The following UNC5D variants were observed in gnomAD, a reference collection of about 807,000 sequenced individuals.
UNC5D encodes unc-5 netrin receptor D.
Under a neutral mutation model 105.4 loss-of-function variants are expected in UNC5D, and 39 were observed. The observed-to-expected ratio is 0.37, with a 90% CI of 0.29 to 0.48. UNC5D has a LOEUF of 0.48. Ranked by LOEUF, UNC5D falls within the 20% of genes least tolerant of loss-of-function variation. The probability of loss-of-function intolerance (pLI) is 0.98; values close to 1 mark genes in which losing one functional copy is unlikely to be tolerated. For synonymous variants in UNC5D, 452 were observed against 450.4 expected (o/e 1.00, Z -0.04); for missense variants, 991 against 1,202.4 (o/e 0.82, Z 2.60).
intron 1 of UNC5D, among the ~76,000 whole-genome samples, chr8:35,292,878 G>A (rs1807182363): frequency 1.3e-5 from 2 of 151,560 alleles, no homozygotes; most frequent in Admixed American, 6.6e-5. Flanking sequence ...CACCACATGC[G>A]GCTAATTTTT....
At chr8:35,347,501 AT>A (rs1018954723) in intron 1 of UNC5D, among the ~76,000 whole-genome samples, 7 of 152,070 alleles carry the variant, frequency 4.6e-5, no homozygotes, top group African/African-American at 1.7e-4. Flanking sequence ...CGGAATATCA[AT>A]ATAAAGATTT....
chr8:35,304,714 ATGT>A (rs1808212363), intron 1 of UNC5D, among the ~76,000 whole-genome samples: 1 of 152,136 alleles, frequency 6.6e-6, no homozygotes, highest in Non-Finnish European at 1.5e-5. Flanking sequence ...TCTATATGAA[ATGT>A]TGGATGCAGA....
rs569238114 is a variant in UNC5D at position 35,525,491 on chromosome 8, T to G, written c.104-23801T>G. The G allele has an allele frequency of 3.1e-6, 5 of 1,612,330 alleles. No homozygotes were observed. The African/African-American group carries it at 6.7e-5, about 21-fold the overall frequency. On this transcript the variant is annotated intron_variant, in intron 1 of 16. Transcript: ENST00000404895. ...TCAGCTTCTCCTCCTTCTCTGTCCG[T>G]GCTTTGCTGGCAAGCTTACTAACAT...
intron 1 of UNC5D, among the ~76,000 whole-genome samples, chr8:35,390,334 G>C (rs1803693109): frequency 1.3e-5 from 2 of 152,134 alleles, no homozygotes. Flanking sequence ...TATATCGAGA[G>C]TTAACTTAAA....
intron 7 of UNC5D, among the ~76,000 whole-genome samples, chr8:35,688,823 G>C (rs551331545): frequency 6.6e-6 from 1 of 152,298 alleles, no homozygotes; most frequent in East Asian, 1.9e-4. Flanking sequence ...ACTACACATG[G>C]CCAGTGTCCA....
intron 15 of UNC5D, among the ~76,000 whole-genome samples, chr8:35,770,403 A>T (rs1465908611): frequency 6.6e-6 from 1 of 152,124 alleles, no homozygotes; most frequent in Non-Finnish European, 1.5e-5. Context: ...CATGCCTCTG[A>T]TCTAAGTGAT....
chr8:35,545,707 A>G (rs995445667), intron 1 of UNC5D, among the ~76,000 whole-genome samples: 2 of 152,140 alleles, frequency 1.3e-5, no homozygotes, highest in African/African-American at 4.8e-5. Flanking sequence ...GGATGCAAAT[A>G]AACAGTGATA....
chr8:35,351,995 T>A (rs999154093), intron 1 of UNC5D, among the ~76,000 whole-genome samples: 19 of 152,054 alleles, frequency 1.2e-4, no homozygotes, highest in Non-Finnish European at 2.8e-4. Flanking sequence ...ATTCACATAT[T>A]TCAATTTTTA....
rs1464930644 is a variant in UNC5D at position 35,272,280 on chromosome 8, T to C, written c.103+36393T>C. On this transcript the variant is annotated intron_variant, in intron 1 of 16. Coordinates refer to ENST00000404895, the MANE Select transcript of UNC5D (RefSeq NM_080872.4). Reference sequence around the variant, plus strand: ...GTAATGATTTCTTCCTTTTTTAGAATTTTCCGTTTTAAATGACCGTCCTTG... The same window carrying C: ...GTAATGATTTCTTCCTTTTTTAGAACTTTCCGTTTTAAATGACCGTCCTTG... 3.9e-4 allele frequency among the ~76,000 whole-genome samples: 59 copies of C among 152,188 alleles called. 1 individual carries two copies. The highest frequency in any genetic ancestry group is 1.5e-5 in the Non-Finnish European group (1 of 68,030).
chr8:35,669,121 G>T (rs1257877191), intron 4 of UNC5D, among the ~76,000 whole-genome samples: 2 of 152,058 alleles, frequency 1.3e-5, no homozygotes, highest in Non-Finnish European at 2.9e-5. Context: ...GAATAAATAT[G>T]TTCAAAAAGT....
At chr8:35,405,331 C>T (rs1804736659) in intron 1 of UNC5D, among the ~76,000 whole-genome samples, 1 of 152,066 alleles carries the variant, frequency 6.6e-6, no homozygotes, top group Admixed American at 6.5e-5. Flanking sequence ...GAAAATGAAC[C>T]TTGTATCCTA....
intron 1 of UNC5D, among the ~76,000 whole-genome samples, chr8:35,442,444 T>C (rs528377060): frequency 1.3e-5 from 2 of 151,752 alleles, no homozygotes; most frequent in African/African-American, 4.8e-5. Flanking sequence ...GAGGTAAGAG[T>C]CTATACTAGA....
At chr8:35,328,402 T>C (rs1810340198) in intron 1 of UNC5D, among the ~76,000 whole-genome samples, 1 of 152,148 alleles carries the variant, frequency 6.6e-6, no homozygotes, top group Non-Finnish European at 1.5e-5. Flanking sequence ...TTTGTATTTT[T>C]TTTGTTTTCT....
intron 3 of UNC5D, among the ~76,000 whole-genome samples, chr8:35,589,623 A>C (rs1819029227): frequency 1.3e-5 from 2 of 152,274 alleles, no homozygotes; most frequent in South Asian, 4.1e-4. Flanking sequence ...AAAACCCACC[A>C]AAACTACTTC....
chr8:35,432,026 C>A (rs73672294), intron 1 of UNC5D, among the ~76,000 whole-genome samples: 5,277 of 152,168 alleles, frequency 0.035, 343 homozygotes, highest in African/African-American at 0.12. Flanking sequence ...TTAATTTAAA[C>A]TTCTTTATTA....
intron 1 of UNC5D, among the ~76,000 whole-genome samples, chr8:35,252,090 C>T (rs184153541): frequency 1.2e-4 from 18 of 149,844 alleles, no homozygotes; most frequent in East Asian, 1.2e-3. Flanking sequence ...GGCGCGATCC[C>T]GACTCACTGC....
At chr8:35,465,923 A>C (rs1430986632) in intron 1 of UNC5D, among the ~76,000 whole-genome samples, 1 of 152,316 alleles carries the variant, frequency 6.6e-6, no homozygotes, top group Admixed American at 6.5e-5. Context: ...GGAAGGGACC[A>C]TGAGCCAAGG....
At chr8:35,627,088 T>G (rs1821737433) in intron 4 of UNC5D, among the ~76,000 whole-genome samples, 1 of 152,214 alleles carries the variant, frequency 6.6e-6, no homozygotes. Flanking sequence ...ACAATTTCAT[T>G]AATTTTGCTA....
At chr8:35,377,752 C>T (rs946046353) in intron 1 of UNC5D, among the ~76,000 whole-genome samples, 3 of 152,040 alleles carry the variant, frequency 2.0e-5, no homozygotes, top group Non-Finnish European at 2.9e-5. Context: ...CATCTTAGGT[C>T]GCTTTTCTGA....
Sources: gnomAD v4.1 joint callset for allele counts (sites outside exome capture counted in the v4.1 genomes callset) on GRCh38, gnomAD v4.1.1 for gene constraint, MANE v1.5 for transcripts, NCBI Gene and HGNC (gene_info 2026-07-23, HGNC 2026-07-21) for gene names.